MAGI1: variants seen among roughly 807,000 people sequenced by gnomAD.
MAGI1 encodes the protein membrane-associated guanylate kinase, WW and PDZ domain-containing protein 1.
Under a neutral mutation model 139.9 loss-of-function variants are expected in MAGI1, and 58 were observed. That is an observed-to-expected ratio of 0.41 (90% CI 0.34 to 0.52). The LOEUF is 0.52. Among genes scored for constraint, MAGI1 ranks in the 20% least tolerant of loss-of-function variants. The probability of loss-of-function intolerance (pLI) is 0.12; values close to 1 mark genes in which losing one functional copy is unlikely to be tolerated. For synonymous variants in MAGI1, 812 were observed against 737.9 expected (o/e 1.10, Z -1.63); for missense variants, 1,874 against 1,901.6 (o/e 0.99, Z 0.27).
intron 1 of MAGI1, among the ~76,000 whole-genome samples, chr3:66,036,567 C>T (rs958774203): frequency 6.6e-6 from 1 of 152,162 alleles, no homozygotes; most frequent in Non-Finnish European, 1.5e-5. Context: ...AGAATGAAGT[C>T]ATAAATACAA....
chr3:66,011,836 CAA>C (rs74963127), intron 1 of MAGI1, among the ~76,000 whole-genome samples: 37 of 98,964 alleles, frequency 3.7e-4, no homozygotes, highest in Admixed American at 8.7e-4. Flanking sequence ...TATGCTGAAC[CAA>C]AAAAAAAAAA....
intron 2 of MAGI1, among the ~76,000 whole-genome samples, chr3:65,523,504 G>A (rs2078251521): frequency 6.6e-6 from 1 of 152,164 alleles, no homozygotes; most frequent in East Asian, 1.9e-4. Context: ...GAGTAGTGTT[G>A]TTTCTCCCTG....
At chr3:65,805,441 G>C (rs1037745195) in intron 1 of MAGI1, among the ~76,000 whole-genome samples, 2 of 152,172 alleles carry the variant, frequency 1.3e-5, no homozygotes, top group Non-Finnish European at 2.9e-5. Flanking sequence ...AGAAACAAGA[G>C]ACGCTGGCGA....
intron 1 of MAGI1, among the ~76,000 whole-genome samples, chr3:65,632,148 T>A (rs970608378): frequency 6.6e-6 from 1 of 152,194 alleles, no homozygotes; most frequent in Admixed American, 6.5e-5. Context: ...TTGATGAGTA[T>A]GAATATTATT....
At chr3:65,589,851 C>A (rs200550698) in intron 2 of MAGI1, among the ~76,000 whole-genome samples, 2 of 145,196 alleles carry the variant, frequency 1.4e-5, no homozygotes, top group South Asian at 2.2e-4. Context: ...AAAAAAAAAA[C>A]AAATAGTACC....
chr3:65,731,488 T>TAAA lies in MAGI1; in HGVS notation c.314-109403_314-109401dup, dbSNP rs555310553. Among the ~76,000 whole-genome samples, 281 of 135,954 alleles carry TAAA rather than the reference T, an allele frequency of 2.1e-3. 1 individual carries two copies. The highest frequency in any genetic ancestry group is 3.7e-3 in the Non-Finnish European group (236 of 63,476). 89.2% of individuals were successfully genotyped at this position (135,954 alleles called of 152,430 possible). A position where few individuals can be genotyped will look rare whatever the true frequency, so the allele number is the denominator to read the frequency against. ...GGCAACACAGTGAAGCCCTATCTCT[T>TAAA]AAAAAAAAAAAAAAAAATTAGCTGA... On this transcript the variant is annotated intron_variant, in intron 1 of 22. Transcript: ENST00000402939.
intron 2 of MAGI1, among the ~76,000 whole-genome samples, chr3:65,517,155 A>G (rs956481012): frequency 6.6e-6 from 1 of 152,148 alleles, no homozygotes; most frequent in Admixed American, 6.5e-5. Flanking sequence ...GTTGTCCTCT[A>G]TTCTTAGACT....
intron 17 of MAGI1, among the ~76,000 whole-genome samples, chr3:65,377,963 T>G (rs1942689804): frequency 6.6e-6 from 1 of 152,218 alleles, no homozygotes. Context: ...AGCACCTTGC[T>G]GATTCTAGCC....
chr3:65,641,911 AG>A (rs1384163584), intron 1 of MAGI1, among the ~76,000 whole-genome samples: 2 of 152,210 alleles, frequency 1.3e-5, no homozygotes, highest in African/African-American at 4.8e-5. Flanking sequence ...TTTGAAGAAC[AG>A]ACATCAAATA....
At chr3:65,633,579 A>G (rs1222202626) in intron 1 of MAGI1, among the ~76,000 whole-genome samples, 3 of 152,212 alleles carry the variant, frequency 2.0e-5, no homozygotes, top group Admixed American at 6.5e-5. Context: ...TTTTTATTAT[A>G]AATTTCATCC....
At chr3:65,659,808 C>T (rs1389310109) in intron 1 of MAGI1, among the ~76,000 whole-genome samples, 2 of 152,172 alleles carry the variant, frequency 1.3e-5, no homozygotes, top group African/African-American at 2.4e-5. Flanking sequence ...GGACCTCCTC[C>T]AAACCAAAAC....
chr3:65,703,106 G>A (rs2107618430), intron 1 of MAGI1, among the ~76,000 whole-genome samples: 1 of 152,220 alleles, frequency 6.6e-6, no homozygotes, highest in African/African-American at 2.4e-5. Flanking sequence ...TGCCTCATTT[G>A]GCCTTCAAGG....
chr3:65,506,634 A>C lies in MAGI1; in HGVS notation c.431-13003T>G, dbSNP rs565073927. Among the ~76,000 whole-genome samples the C allele has an allele frequency of 3.3e-5, 5 of 152,342 alleles. No homozygotes were observed. In the South Asian group the frequency reaches 1.0e-3, roughly 32 times the overall value. On this transcript the variant is annotated intron_variant, in intron 2 of 22. Coordinates refer to ENST00000402939, the MANE Select transcript of MAGI1 (RefSeq NM_001033057.2). ...CACATTCTATAAATACCCTCATTCT[A>C]GTCATTAGCCACTAGCACGGATCCA... is the stretch of plus-strand genomic sequence containing the variant.
At chr3:65,511,350 A>C (rs1455266172) in intron 2 of MAGI1, among the ~76,000 whole-genome samples, 2 of 148,116 alleles carry the variant, frequency 1.4e-5, no homozygotes, top group Non-Finnish European at 3.0e-5. Flanking sequence ...ATTAAAAGAC[A>C]CAGACTGGCA....
chr3:65,475,861 G>A (rs138628963), intron 4 of MAGI1, among the ~76,000 whole-genome samples: 9 of 152,056 alleles, frequency 5.9e-5, no homozygotes, highest in East Asian at 3.9e-4. Flanking sequence ...TTACTTAGGC[G>A]TCTTAGTGAG....
At position 65,696,044 on chromosome 3, in the gene MAGI1, G is replaced by T. The variant is rs546149451; in HGVS notation, c.314-73956C>A. On this transcript the variant is annotated intron_variant, in intron 1 of 22. Transcript: ENST00000402939. ...CTTCTCACTCAAGATAAAATCCAAT[G>T]GCCAGTCACCGTCCATCTCCCTTCC... 1.2e-4 allele frequency among the ~76,000 whole-genome samples: 18 copies of T among 152,226 alleles called. No individual in the cohort carries two copies. In the South Asian group the frequency reaches 3.5e-3, roughly 30 times the overall value.
chr3:65,393,345 A>G (rs1371941598), intron 13 of MAGI1, among the ~76,000 whole-genome samples: 2 of 152,186 alleles, frequency 1.3e-5, no homozygotes, highest in Admixed American at 1.3e-4. Flanking sequence ...GTGAACCTAC[A>G]TAACAACACA....
At position 65,361,217 on chromosome 3, in the gene MAGI1, C is replaced by A; in HGVS notation, c.3616G>T (p.Gly1206Cys). ...GACCCACCATATTCTGGTACTGAGC[C>A]GTCTCCCCGCTTCAGAAACAGACGA... Reference protein sequence around the residue: ...RVRLFLKRGDGSVPEYDPSSD... With the variant: ...RVRLFLKRGDCSVPEYDPSSD... The change falls in exon 22 of 23, where the codon GGC (glycine) becomes TGC (cysteine). Residue 1206 changes from glycine to cysteine, a missense_variant. By Grantham distance (159) the Gly-to-Cys change is radical (BLOSUM62 -3). Around this residue, in one of 5 missense-constraint regions of MAGI1, gnomAD observed 653 missense variants for 644.5 expected, o/e 1.01. Transcript: ENST00000402939. 6.2e-7 allele frequency: 1 copy of A among 1,614,122 alleles called. No homozygotes were observed. Among genetic ancestry groups the A allele is most frequent in the Non-Finnish European group, 8.5e-7 (1 of 1,180,002 alleles).
chr3:65,510,155 C>A (rs2077508214), intron 2 of MAGI1, among the ~76,000 whole-genome samples: 1 of 152,322 alleles, frequency 6.6e-6, no homozygotes, highest in African/African-American at 2.4e-5. Context: ...CCCATCTGTA[C>A]ATCACCATCA....
Sources: allele counts gnomAD v4.1 joint callset (sites outside exome capture counted in the v4.1 genomes callset), GRCh38; gene constraint gnomAD v4.1.1; regional missense constraint gnomAD v4.1.1; transcripts MANE v1.5; gene names NCBI Gene and HGNC (gene_info 2026-07-23, HGNC 2026-07-21).